Variants in PRKAR1A observed in about 807,000 individuals in gnomAD.
PRKAR1A encodes cAMP-dependent protein kinase type I-alpha regulatory subunit.
In PRKAR1A, 3 loss-of-function variants were observed where a neutral mutation model predicts 52.0. The observed-to-expected ratio is 0.06, with a 90% CI of 0.03 to 0.15. PRKAR1A has a LOEUF of 0.15. Among genes scored for constraint, PRKAR1A ranks in the 10% least tolerant of loss-of-function variants. The pLI, the probability that PRKAR1A is intolerant of heterozygous loss-of-function variation, is 1.00. For synonymous variants in PRKAR1A, 188 were observed against 168.4 expected, an observed-to-expected ratio of 1.12 and a Z score of -0.90; for missense variants, 240 against 477.4, an observed-to-expected ratio of 0.50 and a Z score of 4.63.
the PRKAR1A span, chr17:68,430,296 A>G: frequency 1.2e-6 from 1 of 812,500 alleles, no homozygotes; most frequent in Non-Finnish European, 1.9e-6. Context: ...TGTTCTGCCC[A>G]CTGAGAACAA....
chr17:68,498,080 G>A, the PRKAR1A span, among the ~76,000 whole-genome samples: 1,342 of 151,906 alleles, frequency 8.8e-3, 29 homozygotes, highest in African/African-American at 0.031. Context: ...GGAAGTAAAG[G>A]GGGGGTTAAG....
the PRKAR1A span, among the ~76,000 whole-genome samples, chr17:68,436,921 G>C: frequency 0.014 from 2,132 of 151,842 alleles, 55 homozygotes; most frequent in African/African-American, 0.049. Context: ...TTGAACCCAG[G>C]AGGCAAAGGT....
the PRKAR1A span, among the ~76,000 whole-genome samples, chr17:68,496,822 T>C: frequency 1.1e-5 from 1 of 87,688 alleles, no homozygotes; most frequent in African/African-American, 5.8e-5. Flanking sequence ...TTTTTACTTT[T>C]TTTTTTTTTT....
chr17:68,505,037 T>A, the PRKAR1A span, among the ~76,000 whole-genome samples: 1 of 152,012 alleles, frequency 6.6e-6, no homozygotes, highest in Non-Finnish European at 1.5e-5. Flanking sequence ...GTGGCTCACA[T>A]CTGTAATCCC....
the PRKAR1A span, chr17:68,457,444 G>C: frequency 2.2e-6 from 3 of 1,350,968 alleles, no homozygotes; most frequent in South Asian, 4.7e-5. Flanking sequence ...CCGGGAAGCC[G>C]CAGCTCGGAG....
At chr17:68,429,774 A>G in the PRKAR1A span, among the ~76,000 whole-genome samples, 2 of 152,146 alleles carry the variant, frequency 1.3e-5, no homozygotes, top group Non-Finnish European at 2.9e-5. Flanking sequence ...TTTTTAGTAG[A>G]GACGGGATTT....
Position 68,530,259 on chromosome 17 carries a change from C to A in PRKAR1A, c.974-18C>A, listed in dbSNP as rs1445826861. The A allele has an allele frequency of 1.2e-6, 2 of 1,613,612 alleles. No individual in the cohort carries two copies. The highest frequency in any genetic ancestry group is 1.7e-6 in the Non-Finnish European group (2 of 1,179,700). The stretch of plus-strand genomic sequence containing the variant: ...TTTTCATAGAAGTTAGCCTGTTACC[C>A]ATCTTTGCTTTCTCCAGGTGAAATT... On this transcript the variant is annotated intron_variant, in intron 10 of 10. Transcript: ENST00000589228.
the PRKAR1A span, chr17:68,457,235 G>A: frequency 2.9e-6 from 4 of 1,369,084 alleles, no homozygotes; most frequent in African/African-American, 1.5e-5. Context: ...CGGCCCTCCC[G>A]CCGAGGCCGC....
chr17:68,426,159 G>A, the PRKAR1A span: 315 of 1,591,480 alleles, frequency 2.0e-4, 1 homozygote, highest in African/African-American at 6.8e-5. Flanking sequence ...GCAGCGCCCC[G>A]CCGTCCTCAG....
At chr17:68,503,306 G>A in the PRKAR1A span, among the ~76,000 whole-genome samples, 2 of 152,120 alleles carry the variant, frequency 1.3e-5, no homozygotes, top group Non-Finnish European at 2.9e-5. Context: ...ATCCAGTTTG[G>A]CAATTTTTTT....
intron 2 of PRKAR1A, 55 bp from the exon 3 acceptor site, chr17:68,522,701 G>A (rs1424733029): frequency 1.9e-6 from 3 of 1,577,310 alleles, no homozygotes; most frequent in Non-Finnish European, 2.6e-6. Flanking sequence ...GAACATGAGA[G>A]TGCCAGCTTT....
chr17:68,515,391 C>G lies in PRKAR1A; in HGVS notation c.-6-3C>G. 1 of 1,612,898 alleles carries G rather than the reference C, an allele frequency of 6.2e-7. No homozygotes were observed. Among genetic ancestry groups the G allele is most frequent in the Non-Finnish European group, 8.5e-7 (1 of 1,180,008 alleles). On this transcript the variant is annotated splice_polypyrimidine_tract_variant and splice_region_variant and intron_variant, in intron 1 of 10. Coordinates refer to ENST00000589228, the MANE Select transcript of PRKAR1A (RefSeq NM_002734.5). The stretch of plus-strand genomic sequence containing the variant: ...CAAGCATGTGTGTGTTTTTTTCTCG[C>G]AGAGAACCATGGAGTCTGGCAGTAC...
chr17:68,503,029 AT>A, the PRKAR1A span, among the ~76,000 whole-genome samples: 1 of 152,208 alleles, frequency 6.6e-6, no homozygotes, highest in Non-Finnish European at 1.5e-5. Context: ...TAATAAAATC[AT>A]TTTGGATTAA....
At chr17:68,465,339 T>G in the PRKAR1A span, among the ~76,000 whole-genome samples, 1 of 152,304 alleles carries the variant, frequency 6.6e-6, no homozygotes, top group Middle Eastern at 3.4e-3. Context: ...TGATGAGGGT[T>G]TAATACGCTT....
At chr17:68,524,342 T>C (rs950725868) in intron 5 of PRKAR1A, among the ~76,000 whole-genome samples, 23 of 152,212 alleles carry the variant, frequency 1.5e-4, no homozygotes, top group African/African-American at 5.5e-4. Flanking sequence ...GAATGTCATA[T>C]AGAATTGCAG....
the PRKAR1A span, among the ~76,000 whole-genome samples, chr17:68,473,791 G>T: frequency 1.3e-5 from 2 of 152,244 alleles, no homozygotes; most frequent in Middle Eastern, 6.8e-3. Flanking sequence ...AAAGTGCTGG[G>T]ATTACAGGCG....
the PRKAR1A span, among the ~76,000 whole-genome samples, chr17:68,478,683 C>T: frequency 1.3e-5 from 2 of 150,410 alleles, no homozygotes; most frequent in Non-Finnish European, 3.0e-5. Context: ...AATACTAGGC[C>T]TAGGTGTGTT....
intron 2 of PRKAR1A, chr17:68,515,847 G>A (rs2143157940): frequency 2.2e-6 from 1 of 450,956 alleles, no homozygotes; most frequent in East Asian, 4.5e-5. Context: ...TTAAATTAGT[G>A]CGTAGAACTA....
chr17:68,499,141 T>C, the PRKAR1A span, among the ~76,000 whole-genome samples: 2 of 152,344 alleles, frequency 1.3e-5, no homozygotes, highest in African/African-American at 4.8e-5. Flanking sequence ...GTCACTGTCA[T>C]GAGCTCTTCA....
Sources: allele counts gnomAD v4.1 joint callset (sites outside exome capture counted in the v4.1 genomes callset), GRCh38; gene constraint gnomAD v4.1.1; transcripts MANE v1.5; gene names NCBI Gene and HGNC (gene_info 2026-07-23, HGNC 2026-07-21).